The following LINGO2 variants were observed in gnomAD, a reference collection of about 807,000 sequenced individuals.
LINGO2 encodes leucine rich repeat and Ig domain containing 2.
LINGO2 carries 14 observed loss-of-function variants against 30.6 expected under a neutral mutation model. The ratio of observed to expected loss-of-function variants is 0.46; its 90% CI spans 0.30 to 0.72. The LOEUF is 0.72. Among genes scored for constraint, LINGO2 ranks in the 30% least tolerant of loss-of-function variants. The probability of loss-of-function intolerance (pLI) is 0.07; values close to 1 mark genes in which losing one functional copy is unlikely to be tolerated. For missense variants in LINGO2, 729 were observed against 751.7 expected (o/e 0.97, Z 0.35); for synonymous variants, 317 against 288.5 (o/e 1.10, Z -1.00).
the LINGO2 span, among the ~76,000 whole-genome samples, chr9:28,696,259 G>A: frequency 6.6e-6 from 1 of 151,894 alleles, no homozygotes; most frequent in Admixed American, 6.6e-5. Flanking sequence ...TATTTCCCAT[G>A]ATTTGGGTTC....
At chr9:28,465,189 G>T (rs940171502) in intron 2 of LINGO2, among the ~76,000 whole-genome samples, 1 of 152,138 alleles carries the variant, frequency 6.6e-6, no homozygotes, top group Non-Finnish European at 1.5e-5. Context: ...CCATACCTGG[G>T]TCCTTGTCCT....
chr9:27,980,318 AAACT>A (rs1200926388), intron 5 of LINGO2, among the ~76,000 whole-genome samples: 1 of 151,938 alleles, frequency 6.6e-6, no homozygotes, highest in East Asian at 1.9e-4. Flanking sequence ...AGAAAATTTT[AAACT>A]AATAATGCAT....
chr9:28,388,706 G>A (rs574063057), intron 2 of LINGO2, among the ~76,000 whole-genome samples: 2 of 152,146 alleles, frequency 1.3e-5, no homozygotes, highest in African/African-American at 4.8e-5. Flanking sequence ...GTATTTCCTT[G>A]TGTATTTTGT....
chr9:28,954,263 A>G, the LINGO2 span, among the ~76,000 whole-genome samples: 1 of 152,162 alleles, frequency 6.6e-6, no homozygotes, highest in Non-Finnish European at 1.5e-5. Flanking sequence ...AATGATGTTA[A>G]ATGAAAAAGT....
intron 1 of LINGO2, among the ~76,000 whole-genome samples, chr9:28,491,188 T>A (rs1257285139): frequency 6.6e-6 from 1 of 152,158 alleles, no homozygotes. Context: ...AAATGAGTCT[T>A]ATGGAGCTAA....
intron 4 of LINGO2, among the ~76,000 whole-genome samples, chr9:28,050,225 G>A (rs1345529500): frequency 6.6e-6 from 1 of 150,548 alleles, no homozygotes; most frequent in Non-Finnish European, 1.5e-5. Context: ...TTGGTACCAT[G>A]TGCCTGGCAG....
the LINGO2 span, chr9:27,938,131 T>C: frequency 7.2e-6 from 1 of 139,150 alleles, no homozygotes; most frequent in African/African-American, 2.5e-5. Flanking sequence ...TGTTCTCCTT[T>C]GTTAAAATTA....
At chr9:29,018,895 G>T in the LINGO2 span, among the ~76,000 whole-genome samples, 1 of 152,104 alleles carries the variant, frequency 6.6e-6, no homozygotes, top group Non-Finnish European at 1.5e-5. Flanking sequence ...CTATGTACAG[G>T]CTGTGGTGGG....
intron 4 of LINGO2, among the ~76,000 whole-genome samples, chr9:28,210,409 T>C (rs573586868): frequency 1.3e-5 from 2 of 151,780 alleles, no homozygotes; most frequent in African/African-American, 2.4e-5. Flanking sequence ...TATTAATATA[T>C]GGAAAATGTA....
chr9:28,854,027 C>G, the LINGO2 span, among the ~76,000 whole-genome samples: 1 of 151,998 alleles, frequency 6.6e-6, no homozygotes, highest in Non-Finnish European at 1.5e-5. Context: ...AATTAAAATT[C>G]TCCCCATAGA....
the LINGO2 span, among the ~76,000 whole-genome samples, chr9:28,737,633 T>C: frequency 1.7e-5 from 1 of 60,582 alleles, no homozygotes; most frequent in African/African-American, 5.7e-5. Flanking sequence ...CCACAGTAAA[T>C]GGCACTCTCT....
At chr9:28,293,155 T>C (rs1823797543) in intron 4 of LINGO2, among the ~76,000 whole-genome samples, 1 of 152,100 alleles carries the variant, frequency 6.6e-6, no homozygotes, top group Admixed American at 6.5e-5. Flanking sequence ...TGGAATGCAG[T>C]AGTGCTATCA....
intron 5 of LINGO2, among the ~76,000 whole-genome samples, chr9:28,006,552 T>G (rs1178263579): frequency 1.3e-5 from 2 of 152,140 alleles, no homozygotes; most frequent in Non-Finnish European, 2.9e-5. Flanking sequence ...ACAGAATTTT[T>G]TTATTAGGAA....
chr9:28,118,220 A>G (rs954448316), intron 4 of LINGO2, among the ~76,000 whole-genome samples: 8 of 152,156 alleles, frequency 5.3e-5, no homozygotes, highest in African/African-American at 1.7e-4. Context: ...CATCCTGCAC[A>G]TGGACCCCCA....
intron 1 of LINGO2, among the ~76,000 whole-genome samples, chr9:28,477,372 A>T (rs181211346): frequency 2.1e-4 from 32 of 152,244 alleles, no homozygotes; most frequent in African/African-American, 7.5e-4. Context: ...AGTTTAAGTG[A>T]ATTATTCAAG....
intron 2 of LINGO2, among the ~76,000 whole-genome samples, chr9:28,438,174 C>T (rs1332702343): frequency 6.6e-6 from 1 of 152,078 alleles, no homozygotes; most frequent in Non-Finnish European, 1.5e-5. Flanking sequence ...CTCTCCCAAA[C>T]CAGGTGGGAT....
At chr9:28,317,706 A>G (rs1302224598) in intron 3 of LINGO2, among the ~76,000 whole-genome samples, 1 of 152,204 alleles carries the variant, frequency 6.6e-6, no homozygotes, top group Admixed American at 6.5e-5. Flanking sequence ...TACTGTTCAC[A>G]TAAAAGTGGG....
intron 5 of LINGO2, among the ~76,000 whole-genome samples, chr9:27,961,163 C>G (rs545517367): frequency 1.3e-5 from 2 of 152,048 alleles, no homozygotes; most frequent in African/African-American, 4.8e-5. Context: ...TATTGTCCAC[C>G]TTTAGGGTAA....
At chr9:28,159,305 A>G (rs1286776748) in intron 4 of LINGO2, among the ~76,000 whole-genome samples, 3 of 152,186 alleles carry the variant, frequency 2.0e-5, no homozygotes, top group African/African-American at 7.2e-5. Flanking sequence ...CTGTCACAGA[A>G]TATTTTAATA....
Sources: gnomAD v4.1 joint callset for allele counts (sites outside exome capture counted in the v4.1 genomes callset) on GRCh38, gnomAD v4.1.1 for gene constraint, MANE v1.5 for transcripts, NCBI Gene and HGNC (gene_info 2026-07-23, HGNC 2026-07-21) for gene names.